Variants in INTU observed in about 807,000 individuals in gnomAD.
INTU encodes inturned planar cell polarity protein, also known as protein inturned.
INTU carries 68 observed loss-of-function variants against 100.5 expected under a neutral mutation model. That is an observed-to-expected ratio of 0.68 (90% CI 0.56 to 0.83). The LOEUF (loss-of-function observed/expected upper bound fraction) is 0.83. Ranked by LOEUF, INTU falls within the 40% of genes least tolerant of loss-of-function variation. The pLI is 0.00. For synonymous variants in INTU, 357 were observed against 395.7 expected, an observed-to-expected ratio of 0.90 and a Z score of 1.16; for missense variants, 1,071 against 1,114.7, an observed-to-expected ratio of 0.96 and a Z score of 0.56.
In INTU at chr4:127,711,098, A is replaced by T. The variant is rs1731078330; in HGVS notation, c.2555A>T (p.Glu852Val). Residue 852 changes from glutamate to valine, a missense_variant, in exon 14 of 16, where the codon GAA becomes GTA. Glu to Val is a moderately radical substitution (Grantham distance 121). Transcript: ENST00000335251. ...GCAGTTTTCCAACAGACATTGGTGGAAGAGGTAGGGCACTGCTATAAATAC... is the reference window on the plus strand; with the variant it reads ...GCAGTTTTCCAACAGACATTGGTGGTAGAGGTAGGGCACTGCTATAAATAC... ...IRAVFQQTLVEEKKKGLNSGD... is the reference protein window; with the variant it reads ...IRAVFQQTLVVEKKKGLNSGD... 1 of 1,585,796 alleles carries T rather than the reference A, an allele frequency of 6.3e-7. No individual in the cohort carries two copies. Among genetic ancestry groups the T allele is most frequent in the African/African-American group, 1.3e-5 (1 of 74,596 alleles).
At chr4:127,655,381 T>G (rs930962114) in intron 2 of INTU, among the ~76,000 whole-genome samples, 4 of 151,234 alleles carry the variant, frequency 2.6e-5, no homozygotes, top group Non-Finnish European at 5.9e-5. Context: ...TTGATGATGG[T>G]GATGTACAGA....
At chr4:127,687,978 T>C (rs1310847927) in intron 8 of INTU, 111 bp downstream of exon 8, 2 of 720,218 alleles carry the variant, frequency 2.8e-6, no homozygotes, top group Non-Finnish European at 4.1e-6. Context: ...GGTTAAAAAT[T>C]AAAGAGGCAA....
intron 3 of INTU, among the ~76,000 whole-genome samples, chr4:127,662,638 CA>C (rs780113469): frequency 4.6e-5 from 7 of 152,094 alleles, no homozygotes; most frequent in Non-Finnish European, 8.8e-5. Flanking sequence ...CCTCTTACAC[CA>C]GGGGTCCCCA....
chr4:127,651,564 T>C (rs1727878793), intron 2 of INTU, among the ~76,000 whole-genome samples: 1 of 152,216 alleles, frequency 6.6e-6, no homozygotes, highest in African/African-American at 2.4e-5. Context: ...CTCTGTTCTG[T>C]TCCATTGATC....
chr4:127,707,229 A>C (rs1036178965), intron 12 of INTU, among the ~76,000 whole-genome samples: 2 of 151,982 alleles, frequency 1.3e-5, no homozygotes, highest in African/African-American at 4.8e-5. Context: ...AAAATTACAA[A>C]AAAATTGCCA....
At chr4:127,701,146 C>T (rs1233843117) in intron 9 of INTU, among the ~76,000 whole-genome samples, 2 of 152,120 alleles carry the variant, frequency 1.3e-5, no homozygotes, top group African/African-American at 4.8e-5. Context: ...CAAGATTGAA[C>T]TACCAACTTA....
chr4:127,680,316 G>A (rs965254130), intron 6 of INTU, among the ~76,000 whole-genome samples: 1 of 150,872 alleles, frequency 6.6e-6, no homozygotes, highest in Non-Finnish European at 1.5e-5. Context: ...GAGAATTTTA[G>A]ACCAATATCC....
At chr4:127,713,602 G>C (rs1454987026) in intron 14 of INTU, among the ~76,000 whole-genome samples, 1 of 152,122 alleles carries the variant, frequency 6.6e-6, no homozygotes, top group South Asian at 2.1e-4. Context: ...ATTGCATATT[G>C]TCTCTTCCCT....
At chr4:127,691,380 C>T (rs1730115416) in intron 8 of INTU, among the ~76,000 whole-genome samples, 1 of 152,136 alleles carries the variant, frequency 6.6e-6, no homozygotes, top group African/African-American at 2.4e-5. Flanking sequence ...TTCCTACCAG[C>T]AATGAATGAG....
chr4:127,709,711 T>TCACACATACA (rs1731021470), intron 13 of INTU, among the ~76,000 whole-genome samples: 3 of 143,304 alleles, frequency 2.1e-5, no homozygotes, highest in Non-Finnish European at 4.6e-5. Flanking sequence ...CTAATAGAAT[T>TCACACATACA]CACACACACA....
intron 5 of INTU, among the ~76,000 whole-genome samples, chr4:127,672,006 G>A (rs1256373256): frequency 6.6e-6 from 1 of 151,976 alleles, no homozygotes; most frequent in African/African-American, 2.4e-5. Flanking sequence ...TTTGAAGGGC[G>A]GGAGGGGAGT....
intron 1 of INTU, among the ~76,000 whole-genome samples, chr4:127,642,619 A>G (rs1320697482): frequency 1.3e-5 from 2 of 152,256 alleles, no homozygotes; most frequent in Non-Finnish European, 2.9e-5. Context: ...AAGACTCTCT[A>G]CATGTTAATT....
At chr4:127,654,578 C>G (rs1728084930) in intron 2 of INTU, among the ~76,000 whole-genome samples, 1 of 152,148 alleles carries the variant, frequency 6.6e-6, no homozygotes, top group Non-Finnish European at 1.5e-5. Flanking sequence ...CGTAGGGTTT[C>G]TGCCGAGAGA....
At position 127,710,987 on chromosome 4, in the gene INTU, C is replaced by G; in HGVS notation, c.2444C>G (p.Pro815Arg). Residue 815 changes from proline (P) to arginine (R), a missense_variant, in exon 14 of 16, where the codon CCT becomes CGT. By Grantham distance (103) the Pro-to-Arg change is moderately radical. Coordinates refer to ENST00000335251, the MANE Select transcript of INTU (RefSeq NM_015693.4). ...ACAGTGCAAGGAATCTTTATTACTC[C>G]TACCCTTGAAGAGGTGGCACAGCTA... ...LETVQGIFIT[P>R]TLEEVAQLSG... 6.2e-7 allele frequency: 1 copy of G among 1,605,364 alleles called. No individual in the cohort carries two copies. The highest frequency in any genetic ancestry group is 8.5e-7 in the Non-Finnish European group (1 of 1,174,138).
At chr4:127,655,979 C>G (rs1019994460) in intron 2 of INTU, among the ~76,000 whole-genome samples, 1 of 152,170 alleles carries the variant, frequency 6.6e-6, no homozygotes, top group Admixed American at 6.5e-5. Context: ...GGGAGTGACC[C>G]GATTTTCCAG....
intron 2 of INTU, among the ~76,000 whole-genome samples, chr4:127,656,052 A>G (rs542508720): frequency 5.9e-5 from 9 of 152,280 alleles, no homozygotes; most frequent in Admixed American, 4.6e-4. Context: ...GCGCTTCCCA[A>G]GTGAGGCAAT....
At chr4:127,646,152 C>G (rs1727576429) in intron 2 of INTU, among the ~76,000 whole-genome samples, 1 of 150,244 alleles carries the variant, frequency 6.7e-6, no homozygotes, top group South Asian at 2.1e-4. Flanking sequence ...CCACCGCACT[C>G]CAGCCTGGGG....
chr4:127,687,218 A>G (rs1729867305), intron 7 of INTU: 1 of 152,322 alleles, frequency 6.6e-6, no homozygotes, highest in Non-Finnish European at 1.5e-5. Context: ...GAGAAAGGTT[A>G]GGTGATTTGC....
chr4:127,651,596 G>C (rs1366553511), intron 2 of INTU, among the ~76,000 whole-genome samples: 1 of 152,176 alleles, frequency 6.6e-6, no homozygotes, highest in African/African-American at 2.4e-5. Context: ...TTTGGTACCA[G>C]TACCATGCTG....
Sources: gnomAD v4.1 joint callset for allele counts (sites outside exome capture counted in the v4.1 genomes callset) on GRCh38, gnomAD v4.1.1 for gene constraint, MANE v1.5 for transcripts, NCBI Gene and HGNC (gene_info 2026-07-23, HGNC 2026-07-21) for gene names.